The following GALNT1 variants were observed in gnomAD, a reference collection of about 807,000 sequenced individuals.
GALNT1 encodes the protein GalNAc transferase 1.
A neutral mutation model predicts 65.7 loss-of-function variants in GALNT1; 17 were observed. The observed-to-expected ratio is 0.26, with a 90% confidence interval of 0.18 to 0.39. The LOEUF is 0.39. Ranked by LOEUF, GALNT1 falls within the 10% of genes least tolerant of loss-of-function variation. GALNT1 has a pLI of 1.00. For missense variants in GALNT1, 460 were observed against 672.8 expected, an observed-to-expected ratio of 0.68 and a Z score of 3.50; for synonymous variants, 210 against 219.7, an observed-to-expected ratio of 0.96 and a Z score of 0.39.
intron 2 of GALNT1, among the ~76,000 whole-genome samples, chr18:35,655,973 T>C (rs2047379563): frequency 6.6e-6 from 1 of 152,222 alleles, no homozygotes; most frequent in Non-Finnish European, 1.5e-5. Context: ...GCCTATTAGT[T>C]TGCATAATAT....
chr18:35,691,064 A>G lies in GALNT1; in HGVS notation c.1031A>G (p.His344Arg). 4 of 1,611,406 alleles carry G rather than the reference A, an allele frequency of 2.5e-6. No individual in the cohort carries two copies. The highest frequency in any genetic ancestry group is 1.1e-5 in the South Asian group (1 of 90,496). ...ATTGTTACATGCTCACATGTTGGACATGTGTTTCGGAAAGCTACACCTTAC... is the reference window on the plus strand; with the variant it reads ...ATTGTTACATGCTCACATGTTGGACGTGTGTTTCGGAAAGCTACACCTTAC... ...LEIVTCSHVG[H>R]VFRKATPYTF... Residue 344 changes from histidine to arginine, a missense_variant, in exon 8 of 12, where the codon CAT (histidine) becomes CGT (arginine). Physicochemically the swap from His to Arg is conservative, Grantham distance 29. Coordinates refer to ENST00000269195, the MANE Select transcript of GALNT1 (RefSeq NM_020474.4).
chr18:35,589,741 C>A (rs1020754475), intron 1 of GALNT1, among the ~76,000 whole-genome samples: 1 of 152,216 alleles, frequency 6.6e-6, no homozygotes, highest in African/African-American at 2.4e-5. Context: ...TCTGCTTCAT[C>A]TTCCTGGAAT....
intron 3 of GALNT1, chr18:35,664,553 C>T (rs190653229): frequency 6.6e-5 from 10 of 152,228 alleles, no homozygotes; most frequent in Admixed American, 1.3e-4. Context: ...TGCCCATTAC[C>T]GTATGCTATG....
chr18:35,697,498 G>A (rs1044748528), intron 9 of GALNT1, among the ~76,000 whole-genome samples: 2 of 152,164 alleles, frequency 1.3e-5, no homozygotes, highest in African/African-American at 4.8e-5. Context: ...CTTCAACAAA[G>A]AAACCTATTT....
Position 35,692,407 on chromosome 18 carries a change from A to C in GALNT1, c.1299+87A>C, listed in dbSNP as rs190809909. On this transcript the variant is annotated intron_variant, in intron 9 of 11. Coordinates refer to ENST00000269195, the MANE Select transcript of GALNT1 (RefSeq NM_020474.4). The stretch of plus-strand genomic sequence containing the variant: ...AAAATAGGAGTTAGTTAAACTTCCA[A>C]TAAGGAAAGTACCTTCATGTTAACA... 5.7e-5 allele frequency: 45 copies of C among 792,854 alleles called. No homozygotes were observed. In the East Asian group the frequency reaches 1.4e-3, roughly 24 times the overall value. The allele number at this position is 792,854 out of a possible 1,614,324, so 49.1% of individuals were successfully genotyped here.
intron 1 of GALNT1, among the ~76,000 whole-genome samples, chr18:35,615,557 C>G: frequency 6.6e-6 from 1 of 152,124 alleles, no homozygotes; most frequent in East Asian, 1.9e-4. Flanking sequence ...ATTAATTTGG[C>G]TGTACTAAAA....
intron 1 of GALNT1, among the ~76,000 whole-genome samples, chr18:35,607,534 G>A (rs1166616610): frequency 6.6e-6 from 1 of 152,096 alleles, no homozygotes; most frequent in African/African-American, 2.4e-5. Flanking sequence ...CTGAAGCAAG[G>A]AAGAGGTACT....
intron 1 of GALNT1, among the ~76,000 whole-genome samples, chr18:35,625,006 TG>T (rs1366082476): frequency 1.3e-5 from 2 of 152,216 alleles, no homozygotes; most frequent in Non-Finnish European, 2.9e-5. Flanking sequence ...AGATACATTA[TG>T]ATGTAAATTA....
At chr18:35,648,642 A>ATG (rs1349954160) in intron 1 of GALNT1, among the ~76,000 whole-genome samples, 1 of 152,234 alleles carries the variant, frequency 6.6e-6, no homozygotes, top group African/African-American at 2.4e-5. Flanking sequence ...GAATTCTGGT[A>ATG]TGTGTCTTTT....
chr18:35,605,787 C>T (rs1350125182), intron 1 of GALNT1, among the ~76,000 whole-genome samples: 1 of 152,096 alleles, frequency 6.6e-6, no homozygotes, highest in Non-Finnish European at 1.5e-5. Flanking sequence ...GCATTTGACT[C>T]TTCTAAATAG....
At chr18:35,609,765 G>T (rs901117062) in intron 1 of GALNT1, among the ~76,000 whole-genome samples, 3 of 152,126 alleles carry the variant, frequency 2.0e-5, no homozygotes, top group African/African-American at 7.2e-5. Context: ...GTAATCAACT[G>T]CCCACTCTTT....
At chr18:35,605,190 CA>C (rs1459185378) in intron 1 of GALNT1, among the ~76,000 whole-genome samples, 1 of 152,124 alleles carries the variant, frequency 6.6e-6, no homozygotes, top group Non-Finnish European at 1.5e-5. Flanking sequence ...ATGGCACTGG[CA>C]AAGTCTTTTA....
intron 1 of GALNT1, among the ~76,000 whole-genome samples, chr18:35,629,398 G>T (rs2144179655): frequency 6.6e-6 from 1 of 152,338 alleles, no homozygotes; most frequent in East Asian, 1.9e-4. Flanking sequence ...CCAGAAGAGA[G>T]TGGGGGCCAA....
intron 2 of GALNT1, among the ~76,000 whole-genome samples, chr18:35,661,777 T>C (rs1431229474): frequency 6.6e-6 from 1 of 152,188 alleles, no homozygotes; most frequent in Non-Finnish European, 1.5e-5. Flanking sequence ...TGAGGATCTT[T>C]TTCCCCCTAG....
At chr18:35,698,049 G>A (rs2048088974) in intron 9 of GALNT1, among the ~76,000 whole-genome samples, 1 of 152,140 alleles carries the variant, frequency 6.6e-6, no homozygotes, top group Admixed American at 6.5e-5. Context: ...TGAGAACTTG[G>A]GTTTATTAGC....
intron 9 of GALNT1, among the ~76,000 whole-genome samples, chr18:35,693,936 A>T (rs1463509381): frequency 1.3e-5 from 2 of 152,196 alleles, no homozygotes; most frequent in African/African-American, 2.4e-5. Flanking sequence ...AGAAGGAATC[A>T]GCAAAAAAGA....
Position 35,702,893 on chromosome 18 carries a change from A to G in GALNT1, c.1300-4A>G. ...TGATATTTTCATTATTTATTGTCCC[A>G]TAGATACGAAATGTGGAAACGAATC... is the stretch of plus-strand genomic sequence containing the variant. On this transcript the variant is annotated splice_polypyrimidine_tract_variant and splice_region_variant and intron_variant, in intron 9 of 11. Transcript: ENST00000269195. 6.3e-7 allele frequency: 1 copy of G among 1,579,246 alleles called. No individual in the cohort carries two copies. Among genetic ancestry groups the G allele is most frequent in the Non-Finnish European group, 8.6e-7 (1 of 1,162,216 alleles).
At chr18:35,597,016 G>A (rs565110693) in intron 1 of GALNT1, 2 of 152,320 alleles carry the variant, frequency 1.3e-5, no homozygotes, top group Admixed American at 1.3e-4. Flanking sequence ...CAGAACCGAT[G>A]GAATTCTAGA....
Position 35,637,113 on chromosome 18 carries a change from T to C in GALNT1, c.-103-17447T>C, listed in dbSNP as rs370176551. 3.9e-5 allele frequency among the ~76,000 whole-genome samples: 6 copies of C among 152,222 alleles called. No individual in the cohort carries two copies. The East Asian group carries it at 5.8e-4, about 15-fold the overall frequency. On this transcript the variant is annotated intron_variant, in intron 1 of 11. Transcript: ENST00000269195. ...CTGTCTCTCTCCCTCTCCTCGGGTA[T>C]CCCTGTTCCCCAAGATACAACACAT...
Sources: gnomAD v4.1 joint callset for allele counts (sites outside exome capture counted in the v4.1 genomes callset) on GRCh38, gnomAD v4.1.1 for gene constraint, MANE v1.5 for transcripts, NCBI Gene and HGNC (gene_info 2026-07-23, HGNC 2026-07-21) for gene names.